Variants in GPR137C observed in about 807,000 individuals in gnomAD.
GPR137C encodes the protein G protein-coupled receptor 137C, also known as integral membrane protein GPR137C.
In GPR137C, 27 loss-of-function variants were observed where a neutral mutation model predicts 43.4. That is an observed-to-expected ratio of 0.62 (90% CI 0.46 to 0.86). The LOEUF is 0.86. Among genes scored for constraint, GPR137C ranks in the 40% least tolerant of loss-of-function variants. The probability of loss-of-function intolerance (pLI) is 0.00; values close to 1 mark genes in which losing one functional copy is unlikely to be tolerated. For missense variants in GPR137C, 522 were observed against 534.6 expected (o/e 0.98, Z 0.23); for synonymous variants, 285 against 226.9 (o/e 1.26, Z -2.30).
At chr14:52,566,688 G>C (rs1200551780) in intron 1 of GPR137C, among the ~76,000 whole-genome samples, 3 of 152,206 alleles carry the variant, frequency 2.0e-5, no homozygotes, top group African/African-American at 7.2e-5. Flanking sequence ...CCTGCTAGGA[G>C]CATTATACAT....
intron 2 of GPR137C, among the ~76,000 whole-genome samples, 184 bp downstream of exon 2, chr14:52,598,499 G>T (rs185337518): frequency 1.8e-4 from 27 of 152,176 alleles, no homozygotes; most frequent in Non-Finnish European, 3.4e-4. Flanking sequence ...TTGGTTCAAA[G>T]GAATCAAATT....
intron 1 of GPR137C, among the ~76,000 whole-genome samples, chr14:52,566,406 T>G (rs2038370964): frequency 6.6e-6 from 1 of 152,210 alleles, no homozygotes; most frequent in African/African-American, 2.4e-5. Context: ...AATATAAACT[T>G]TTATCCCTTT....
At chr14:52,620,483 A>G (rs534645817) in intron 3 of GPR137C, among the ~76,000 whole-genome samples, 1 of 152,194 alleles carries the variant, frequency 6.6e-6, no homozygotes, top group East Asian at 1.9e-4. Flanking sequence ...AGAACATAAT[A>G]GCAGAATCCA....
At chr14:52,558,816 A>T (rs1049150706) in intron 1 of GPR137C, among the ~76,000 whole-genome samples, 1 of 152,194 alleles carries the variant, frequency 6.6e-6, no homozygotes, top group African/African-American at 2.4e-5. Context: ...AAACACAGTT[A>T]AAAAGAAATA....
At chr14:52,573,478 T>A (rs994539308) in intron 1 of GPR137C, among the ~76,000 whole-genome samples, 2 of 152,186 alleles carry the variant, frequency 1.3e-5, no homozygotes. Flanking sequence ...GGGGAAAGGA[T>A]TCCCTATTTA....
At position 52,636,351 on chromosome 14, in the gene GPR137C, A is replaced by G. The variant is rs1474789493; in HGVS notation, c.*1236A>G. On this transcript the variant is annotated 3_prime_UTR_variant, in exon 7 of 7. Coordinates refer to ENST00000321662, the MANE Select transcript of GPR137C (RefSeq NM_001099652.2). ...AAAAAAAAGAAAATGGCAGGCTGAGATAATACAGAATTTTAAAATGCACTT... is the reference window on the plus strand; with the variant it reads ...AAAAAAAAGAAAATGGCAGGCTGAGGTAATACAGAATTTTAAAATGCACTT... The G allele has an allele frequency of 6.6e-6, 1 of 152,102 alleles. No homozygotes were observed. The highest frequency in any genetic ancestry group is 6.6e-5 in the Admixed American group (1 of 15,248). The allele number at this position is 152,102 out of a possible 1,614,324, so 9.4% of individuals were successfully genotyped here.
intron 1 of GPR137C, among the ~76,000 whole-genome samples, chr14:52,569,050 C>T (rs2038420985): frequency 6.6e-6 from 1 of 152,162 alleles, no homozygotes; most frequent in African/African-American, 2.4e-5. Context: ...CAGGAGAGCT[C>T]CGGCTGGCAT....
At chr14:52,597,167 C>G (rs2038866752) in intron 1 of GPR137C, among the ~76,000 whole-genome samples, 1 of 152,178 alleles carries the variant, frequency 6.6e-6, no homozygotes, top group Non-Finnish European at 1.5e-5. Flanking sequence ...ACGCTCCAGA[C>G]AGTTTTTCCC....
intron 1 of GPR137C, among the ~76,000 whole-genome samples, chr14:52,589,152 A>G (rs1365188441): frequency 1.3e-5 from 2 of 152,228 alleles, no homozygotes; most frequent in East Asian, 1.9e-4. Context: ...GTATGAATCT[A>G]CTTATATGAG....
intron 3 of GPR137C, among the ~76,000 whole-genome samples, chr14:52,617,050 G>A (rs996806652): frequency 6.6e-6 from 1 of 152,118 alleles, no homozygotes; most frequent in African/African-American, 2.4e-5. Context: ...ACTGGTATTG[G>A]TTAAATCCTT....
At chr14:52,600,760 T>C (rs906537486) in intron 3 of GPR137C, among the ~76,000 whole-genome samples, 6 of 152,222 alleles carry the variant, frequency 3.9e-5, no homozygotes, top group Admixed American at 2.6e-4. Flanking sequence ...TGATTCTGCA[T>C]TGGAGGCTAA....
intron 3 of GPR137C, among the ~76,000 whole-genome samples, chr14:52,631,632 T>C (rs1185873374): frequency 6.6e-6 from 1 of 152,066 alleles, no homozygotes; most frequent in Non-Finnish European, 1.5e-5. Flanking sequence ...TTTAAGGATT[T>C]GAAAGTACAT....
chr14:52,595,293 G>T (rs2038839136), intron 1 of GPR137C, among the ~76,000 whole-genome samples: 1 of 152,088 alleles, frequency 6.6e-6, no homozygotes, highest in East Asian at 1.9e-4. Context: ...ACAATTATGT[G>T]TCTTGGGGTT....
At chr14:52,583,249 T>C (rs944439765) in intron 1 of GPR137C, among the ~76,000 whole-genome samples, 3 of 152,234 alleles carry the variant, frequency 2.0e-5, no homozygotes, top group African/African-American at 4.8e-5. Context: ...TAACAAATGA[T>C]ATATAATTGC....
At chr14:52,588,116 A>G (rs1206765542) in intron 1 of GPR137C, among the ~76,000 whole-genome samples, 2 of 152,184 alleles carry the variant, frequency 1.3e-5, no homozygotes. Context: ...CACTATAAAT[A>G]CCACTTTAAC....
At chr14:52,569,594 C>A (rs968140026) in intron 1 of GPR137C, among the ~76,000 whole-genome samples, 1 of 151,672 alleles carries the variant, frequency 6.6e-6, no homozygotes, top group African/African-American at 2.4e-5. Flanking sequence ...TAGAGAAGAA[C>A]ATAAATGACC....
rs1231851785 is a variant in GPR137C at position 52,601,509 on chromosome 14, TAGAGAG to T, written c.717+1180_717+1185del. Among the ~76,000 whole-genome samples the T allele has an allele frequency of 7.3e-4, 110 of 149,748 alleles. 1 individual carries two copies. Among genetic ancestry groups the T allele is most frequent in the Admixed American group, 2.5e-3 (38 of 14,930 alleles). ...GTGTGTGTGTGTGTGTATATATATA[TAGAGAG>T]AGAGAGAGAGAAGAGAAGAGACAAA... is the stretch of plus-strand genomic sequence containing the variant. On this transcript the variant is annotated intron_variant, in intron 3 of 6. Coordinates refer to ENST00000321662, the MANE Select transcript of GPR137C (RefSeq NM_001099652.2).
chr14:52,611,467 ATTGT>A (rs1213588622), intron 3 of GPR137C: 3 of 260,232 alleles, frequency 1.2e-5, no homozygotes, highest in Non-Finnish European at 1.8e-5. Context: ...AATATAGTAA[ATTGT>A]TTGACTAGAT....
At chr14:52,554,274 T>C (rs1035872541) in intron 1 of GPR137C, among the ~76,000 whole-genome samples, 4 of 152,218 alleles carry the variant, frequency 2.6e-5, no homozygotes, top group Non-Finnish European at 5.9e-5. Context: ...CCTATTAGCA[T>C]AGTCTTTTTT....
Sources: allele counts gnomAD v4.1 joint callset (sites outside exome capture counted in the v4.1 genomes callset), GRCh38; gene constraint gnomAD v4.1.1; transcripts MANE v1.5; gene names NCBI Gene and HGNC (gene_info 2026-07-23, HGNC 2026-07-21).